CCDC90B: variants seen among roughly 807,000 people sequenced by gnomAD.
CCDC90B encodes the protein coiled-coil domain-containing protein 90B, mitochondrial.
A neutral mutation model predicts 37.0 loss-of-function variants in CCDC90B; 24 were observed. The ratio of observed to expected loss-of-function variants is 0.65; its 90% CI spans 0.47 to 0.91. CCDC90B has a LOEUF of 0.91. CCDC90B is among the 40% of genes least tolerant of loss of function. The pLI is 0.00. For missense variants in CCDC90B, 319 were observed against 299.0 expected (o/e 1.07, Z -0.49); for synonymous variants, 113 against 101.1 (o/e 1.12, Z -0.71).
intron 1 of CCDC90B, chr11:83,285,541 A>G (rs1009338600): frequency 1.1e-5 from 13 of 1,190,952 alleles, no homozygotes; most frequent in Admixed American, 8.8e-5. Flanking sequence ...GACACCCTCA[A>G]ACACAGATTA....
At chr11:83,272,532 G>A (rs886119269) in intron 7 of CCDC90B, among the ~76,000 whole-genome samples, 4 of 152,022 alleles carry the variant, frequency 2.6e-5, no homozygotes, top group East Asian at 1.9e-4. Flanking sequence ...ATGAACTGGC[G>A]CCAGTATTAA....
At chr11:83,283,048 ATATT>A (rs1442316552) in intron 1 of CCDC90B, among the ~76,000 whole-genome samples, 4 of 128,774 alleles carry the variant, frequency 3.1e-5, no homozygotes, top group African/African-American at 9.7e-5. Context: ...AAAGCCTGAA[ATATT>A]TATTAGGCTC....
intron 8 of CCDC90B, among the ~76,000 whole-genome samples, chr11:83,264,559 A>C (rs971999949): frequency 1.2e-4 from 18 of 152,058 alleles, no homozygotes; most frequent in Non-Finnish European, 1.9e-4. Context: ...CTGCTGAGAG[A>C]TCTGCTGTTA....
intron 1 of CCDC90B, chr11:83,285,661 AG>A: frequency 7.1e-7 from 1 of 1,400,324 alleles, no homozygotes; most frequent in South Asian, 1.6e-5. Context: ...GTTCGCTTTA[AG>A]AACAGAAAGG....
rs753456737 is a variant in CCDC90B, at chr11:83,273,647, CT to C, written c.593del (p.Lys198ArgfsTer23). Reference sequence around the variant, plus strand: ...GAGACATTTTTACATATTACTTTACCTTTTTTGTAAATTCTGTAGTTGTTTC... The same window carrying C: ...GAGACATTTTTACATATTACTTTACCTTTTTGTAAATTCTGTAGTTGTTTC... ...LMETTTEFTK[K>X]DTQTKSIISE... On this transcript the variant is annotated frameshift_variant and splice_region_variant, in exon 7 of 9. Transcript: ENST00000529689. LOFTEE classifies it high-confidence loss of function. 6.3e-7 allele frequency: 1 copy of C among 1,589,724 alleles called. No homozygotes were observed. The highest frequency in any genetic ancestry group is 8.6e-7 in the Non-Finnish European group (1 of 1,167,288).
At chr11:83,271,005 C>G (rs1261315930) in intron 7 of CCDC90B, among the ~76,000 whole-genome samples, 1 of 152,068 alleles carries the variant, frequency 6.6e-6, no homozygotes, top group East Asian at 1.9e-4. Flanking sequence ...ACAAACCTGA[C>G]AAAAACAAGA....
chr11:83,269,084 G>A (rs112137786), intron 7 of CCDC90B, among the ~76,000 whole-genome samples: 316 of 152,228 alleles, frequency 2.1e-3, no homozygotes, highest in African/African-American at 7.0e-3. Context: ...AAGACACAAC[G>A]TACCAGAATC....
intron 7 of CCDC90B, among the ~76,000 whole-genome samples, chr11:83,271,858 A>C (rs1864694802): frequency 6.6e-6 from 1 of 152,234 alleles, no homozygotes; most frequent in African/African-American, 2.4e-5. Context: ...AAGACTTGGA[A>C]CCAACCCAAA....
intron 1 of CCDC90B, chr11:83,285,570 C>T (rs1017389633): frequency 8.0e-7 from 1 of 1,248,044 alleles, no homozygotes; most frequent in Non-Finnish European, 1.0e-6. Context: ...TGGCTCCTGA[C>T]GAGATTACTA....
chr11:83,286,103 C>A lies in CCDC90B; in HGVS notation c.-131G>T, dbSNP rs1293948501. On this transcript the variant is annotated 5_prime_UTR_variant, in exon 1 of 9. It introduces an in-frame stop codon into an upstream open reading frame of the 5' UTR. Transcript: ENST00000529689. ...TTTCGCTCTGTCACAAGCTCACCTC[C>A]CAGCGCAGGCGCCACCGTGGTCCCA... The A allele has an allele frequency of 1.2e-5, 18 of 1,536,708 alleles. No individual in the cohort carries two copies. Among genetic ancestry groups the A allele is most frequent in the East Asian group, 2.4e-5 (1 of 40,918 alleles).
chr11:83,275,469 T>C (rs1864966532), intron 3 of CCDC90B, among the ~76,000 whole-genome samples: 1 of 152,014 alleles, frequency 6.6e-6, no homozygotes, highest in Admixed American at 6.6e-5. Context: ...TTGGAGTATT[T>C]TGGATTTCAG....
At position 83,285,964 on chromosome 11, in the gene CCDC90B, A is replaced by G. The variant is rs1323829284; in HGVS notation, c.9T>C (p.Ser3=). 1 of 1,611,090 alleles carries G rather than the reference A, an allele frequency of 6.2e-7. No individual in the cohort carries two copies. Among genetic ancestry groups the G allele is most frequent in the Non-Finnish European group, 8.5e-7 (1 of 1,178,792 alleles). Residue 3 remains serine (S), a synonymous_variant, in exon 1 of 9, where the codon AGT becomes AGC. Transcript: ENST00000529689. MN[S]RQAWRLFLSQ... The stretch of plus-strand genomic sequence containing the variant: ...AGAGAAAGAGCCGCCAAGCCTGGCG[A>G]CTATTCATGTCCTCAGAGTTTTCCG...
rs536365363 is a variant in CCDC90B, at chr11:83,259,142, A to G, written c.*2769T>C. 10 of 152,356 alleles carry G rather than the reference A, an allele frequency of 6.6e-5. No individual in the cohort carries two copies. Among genetic ancestry groups the G allele is most frequent in the African/African-American group, 2.4e-4 (10 of 41,582 alleles). The allele number at this position is 152,356 out of a possible 1,614,324, so 9.4% of individuals were successfully genotyped here. A position where few individuals can be genotyped will look rare whatever the true frequency, so the allele number is the denominator to read the frequency against. ...CACAGGCGTTTAACAAGTACCTCAC[A>G]TGTGTCTAGAGGCCTTCTGAGAACT... is the stretch of plus-strand genomic sequence containing the variant. On this transcript the variant is annotated 3_prime_UTR_variant, in exon 9 of 9. Coordinates refer to ENST00000529689, the MANE Select transcript of CCDC90B (RefSeq NM_021825.5).
chr11:83,264,666 T>G (rs1392644556), intron 8 of CCDC90B, among the ~76,000 whole-genome samples: 3 of 152,074 alleles, frequency 2.0e-5, no homozygotes, highest in Admixed American at 1.3e-4. Context: ...CTGACAATTA[T>G]GGAGTTGCTC....
In CCDC90B at chr11:83,278,742, AC is replaced by A; in HGVS notation, c.307del (p.Val103SerfsTer8). ...VSLDTIYKEM[V>X]TQAQQEITVQ... ...GTGTATTACCTGTTGAGCTTGAGTG[AC>A]CATCTCTTTATAGATAGTATCCAGG... is the stretch of plus-strand genomic sequence containing the variant. On this transcript the variant is annotated frameshift_variant, in exon 3 of 9. Transcript: ENST00000529689. LOFTEE classifies it high-confidence loss of function. The A allele has an allele frequency of 1.2e-6, 2 of 1,608,762 alleles. No homozygotes were observed. The highest frequency in any genetic ancestry group is 1.7e-6 in the Non-Finnish European group (2 of 1,176,132).
In CCDC90B at chr11:83,265,858, G is replaced by A. The variant is rs1864230112; in HGVS notation, c.709+7C>T. ...ATGACAGCAATTTCTTTCTCTGACA[G>A]TCTTACCTGCAAGATAACGAATTGT... On this transcript the variant is annotated splice_region_variant and intron_variant, in intron 8 of 8. Transcript: ENST00000529689. The A allele has an allele frequency of 2.6e-6, 4 of 1,555,566 alleles. No individual in the cohort carries two copies. The highest frequency in any genetic ancestry group is 4.5e-5 in the East Asian group (2 of 44,486).
At chr11:83,263,488 A>G (rs1252929466) in intron 8 of CCDC90B, among the ~76,000 whole-genome samples, 1 of 152,156 alleles carries the variant, frequency 6.6e-6, no homozygotes, top group Admixed American at 6.5e-5. Flanking sequence ...TGCTTAGGTG[A>G]GCATATGCCT....
chr11:83,269,028 G>C (rs1454169268), intron 7 of CCDC90B, among the ~76,000 whole-genome samples: 5 of 152,142 alleles, frequency 3.3e-5, no homozygotes, highest in African/African-American at 1.2e-4. Context: ...GGTACATAAC[G>C]AAATGAAGGC....
chr11:83,275,585 T>C (rs1173347815), intron 3 of CCDC90B, among the ~76,000 whole-genome samples: 1 of 152,044 alleles, frequency 6.6e-6, no homozygotes, highest in Non-Finnish European at 1.5e-5. Flanking sequence ...ATAAGGGATA[T>C]TCAACCTGTA....
Sources: gnomAD v4.1 joint callset for allele counts (sites outside exome capture counted in the v4.1 genomes callset) on GRCh38, gnomAD v4.1.1 for gene constraint, MANE v1.5 for transcripts, NCBI Gene and HGNC (gene_info 2026-07-23, HGNC 2026-07-21) for gene names.